ACO1: variants seen among roughly 807,000 people sequenced by gnomAD.
ACO1 encodes cytoplasmic aconitate hydratase.
Under a neutral mutation model 105.1 loss-of-function variants are expected in ACO1, and 78 were observed. The ratio of observed to expected loss-of-function variants is 0.74; its 90% confidence interval spans 0.62 to 0.90. The LOEUF (loss-of-function observed/expected upper bound fraction) is 0.90. ACO1 is among the 40% of genes least tolerant of loss of function. The pLI, the probability that ACO1 is intolerant of heterozygous loss-of-function variation, is 0.00. For missense variants in ACO1, 965 were observed against 1,111.1 expected, an observed-to-expected ratio of 0.87 and a Z score of 1.87; for synonymous variants, 364 against 397.4, an observed-to-expected ratio of 0.92 and a Z score of 1.00.
At chr9:32,434,057 C>G (rs550073922) in intron 16 of ACO1, among the ~76,000 whole-genome samples, 1 of 152,124 alleles carries the variant, frequency 6.6e-6, no homozygotes, top group Non-Finnish European at 1.5e-5. Context: ...CACAGCCACC[C>G]TAGTAATCAC....
intron 1 of ACO1, among the ~76,000 whole-genome samples, chr9:32,402,334 A>G (rs1217024460): frequency 6.6e-6 from 1 of 152,206 alleles, no homozygotes; most frequent in Non-Finnish European, 1.5e-5. Context: ...AACACCATAT[A>G]TATTTAGATA....
At chr9:32,431,544 C>T (rs566884798) in intron 14 of ACO1, among the ~76,000 whole-genome samples, 175 bp from the exon 15 acceptor site, 3 of 152,310 alleles carry the variant, frequency 2.0e-5, no homozygotes, top group Admixed American at 6.5e-5. Flanking sequence ...TGACCAGAGG[C>T]TTGCAGGAAC....
At chr9:32,395,586 G>A (rs1821356701) in intron 1 of ACO1, among the ~76,000 whole-genome samples, 1 of 152,142 alleles carries the variant, frequency 6.6e-6, no homozygotes, top group African/African-American at 2.4e-5. Context: ...TGCAGGGTAG[G>A]GGGCCCACAT....
chr9:32,402,366 C>T (rs1423839700), intron 1 of ACO1, among the ~76,000 whole-genome samples: 2 of 152,130 alleles, frequency 1.3e-5, no homozygotes, highest in African/African-American at 4.8e-5. Context: ...CCAAAATGTC[C>T]ACATTCATTG....
At chr9:32,437,523 C>T (rs1047881527) in intron 18 of ACO1, among the ~76,000 whole-genome samples, 1 of 152,094 alleles carries the variant, frequency 6.6e-6, no homozygotes, top group African/African-American at 2.4e-5. Flanking sequence ...ACCTTAGAGA[C>T]CAAGGGGAAA....
chr9:32,394,950 G>T (rs60906863), intron 1 of ACO1, among the ~76,000 whole-genome samples: 130,406 of 151,792 alleles, frequency 0.86, 57,474 homozygotes, highest in Non-Finnish European at 0.97. Context: ...AGATGGCCCA[G>T]AAGACCTCTG....
chr9:32,402,094 G>A (rs1268031943), intron 1 of ACO1, among the ~76,000 whole-genome samples: 1 of 152,242 alleles, frequency 6.6e-6, no homozygotes, highest in Non-Finnish European at 1.5e-5. Flanking sequence ...GTGTTCAGCT[G>A]TCTTCATCAT....
intron 1 of ACO1, among the ~76,000 whole-genome samples, chr9:32,392,926 T>C (rs572929658): frequency 6.6e-6 from 1 of 152,360 alleles, no homozygotes; most frequent in African/African-American, 2.4e-5. Context: ...CCCCAATGAA[T>C]ACCCTTGTGA....
chr9:32,401,332 G>GT (rs56109134), intron 1 of ACO1, among the ~76,000 whole-genome samples: 22 of 148,258 alleles, frequency 1.5e-4, no homozygotes, highest in African/African-American at 3.0e-4. Flanking sequence ...GATTTTAAGG[G>GT]TTTTTTTTTT....
intron 9 of ACO1, 129 bp downstream of exon 9, chr9:32,423,548 T>G: frequency 1.4e-6 from 1 of 702,002 alleles, no homozygotes; most frequent in South Asian, 1.8e-5. Context: ...GAGAACGGAG[T>G]TTTAGAAGGT....
rs1822784221 is a variant in ACO1, at chr9:32,452,251, G to C, written c.*2140G>C. 6.6e-6 allele frequency: 1 copy of C among 152,186 alleles called. No individual in the cohort carries two copies. Among genetic ancestry groups the C allele is most frequent in the Non-Finnish European group, 1.5e-5 (1 of 68,056 alleles). The allele number at this position is 152,186 out of a possible 1,614,324, so 9.4% of individuals were successfully genotyped here. Reference sequence around the variant, plus strand: ...GCTCCCCGCATTCAGTGGCTCCTGTGGTCTGTATTTTTGTATCCTCCCCAA... The same window carrying C: ...GCTCCCCGCATTCAGTGGCTCCTGTCGTCTGTATTTTTGTATCCTCCCCAA... On this transcript the variant is annotated 3_prime_UTR_variant, in exon 21 of 21. Coordinates refer to ENST00000309951, the MANE Select transcript of ACO1 (RefSeq NM_002197.3).
At chr9:32,444,098 G>T (rs1822544793) in intron 19 of ACO1, among the ~76,000 whole-genome samples, 1 of 152,140 alleles carries the variant, frequency 6.6e-6, no homozygotes, top group Non-Finnish European at 1.5e-5. Flanking sequence ...GTGTTAGTTT[G>T]CTGAGGATGA....
At position 32,420,997 on chromosome 9, in the gene ACO1, G is replaced by A. The variant is rs1267752313; in HGVS notation, c.940G>A (p.Glu314Lys). Residue 314 changes from glutamate to lysine, a missense_variant, in exon 8 of 21, where the codon GAA becomes AAA. Glu to Lys is a moderately conservative substitution (Grantham distance 56). Transcript: ENST00000309951. Reference protein sequence around the residue: ...GATAAFFPVDEVSITYLVQTG... With the variant: ...GATAAFFPVDKVSITYLVQTG... ...AACTGCTGCCTTTTTCCCAGTTGAT[G>A]AAGTTAGTATCACGTACCTGGTGCA... 2 of 1,614,168 alleles carry A rather than the reference G, an allele frequency of 1.2e-6. No homozygotes were observed.
chr9:32,400,987 C>CAT (rs1821483618), intron 1 of ACO1, among the ~76,000 whole-genome samples: 1 of 149,314 alleles, frequency 6.7e-6, no homozygotes, highest in African/African-American at 2.5e-5. Context: ...CTAGTATATA[C>CAT]ATATATATAT....
chr9:32,431,573 CAGTGGCAGTG>C (rs1364484372), intron 14 of ACO1, 136 bp from the exon 15 acceptor site: 2 of 810,672 alleles, frequency 2.5e-6, no homozygotes, highest in African/African-American at 3.5e-5. Context: ...GTATTTCCTC[CAGTGGCAGTG>C]ATTCCGTATC....
intron 7 of ACO1, 112 bp downstream of exon 7, chr9:32,419,289 G>A (rs1821919922): frequency 1.7e-6 from 2 of 1,194,312 alleles, no homozygotes; most frequent in Non-Finnish European, 1.1e-6. Flanking sequence ...AGCAATGCAA[G>A]GAAACAAGGT....
At position 32,425,870 on chromosome 9, in the gene ACO1, ACAT is replaced by A. The variant is rs1822080151; in HGVS notation, c.1225_1227del (p.His409del). The A allele has an allele frequency of 1.2e-6, 2 of 1,613,760 alleles. No homozygotes were observed. Among genetic ancestry groups the A allele is most frequent in the Non-Finnish European group, 1.7e-6 (2 of 1,179,734 alleles). On this transcript the variant is annotated inframe_deletion, in exon 11 of 21. Coordinates refer to ENST00000309951, the MANE Select transcript of ACO1 (RefSeq NM_002197.3). ...TTAAAGGATTCCAAGTTGCTCCTGA[ACAT>A]CATAATGACCATAAGACCTTTATCT... is the stretch of plus-strand genomic sequence containing the variant.
chr9:32,440,503 A>G lies in ACO1; in HGVS notation c.2286A>G (p.Ala762=), dbSNP rs758777781. 1.7e-5 allele frequency: 28 copies of G among 1,613,910 alleles called. No homozygotes were observed. Among genetic ancestry groups the G allele is most frequent in the Non-Finnish European group, 2.4e-5 (28 of 1,179,954 alleles). Residue 762 remains alanine, a synonymous_variant, in exon 19 of 21, where the codon GCA becomes GCG. Transcript: ENST00000309951. ...VFDAAERYQQ[A]GLPLIVLAGK... is the part of the protein sequence containing the mutation. ...ATGCTGCTGAGCGGTACCAGCAGGC[A>G]GGCCTTCCCCTGATCGTTCTGGCTG...
chr9:32,407,454 C>T (rs773190989), intron 3 of ACO1, 25 bp downstream of exon 3: 3 of 1,597,688 alleles, frequency 1.9e-6, no homozygotes, highest in South Asian at 2.2e-5. Context: ...ACTTCACTCT[C>T]CTTTGCCTCC....
Sources: gnomAD v4.1 joint callset for allele counts (sites outside exome capture counted in the v4.1 genomes callset) on GRCh38, gnomAD v4.1.1 for gene constraint, MANE v1.5 for transcripts, NCBI Gene and HGNC (gene_info 2026-07-23, HGNC 2026-07-21) for gene names.